Variants in ACADSB observed in about 807,000 individuals in gnomAD.
ACADSB encodes short/branched chain specific acyl-CoA dehydrogenase, mitochondrial.
ACADSB carries 40 observed loss-of-function variants against 54.1 expected under a neutral mutation model. The observed-to-expected ratio is 0.74, with a 90% CI of 0.57 to 0.96. The LOEUF is 0.96. ACADSB is among the 40% of genes least tolerant of loss of function. The pLI, the probability that ACADSB is intolerant of heterozygous loss-of-function variation, is 0.00. For missense variants in ACADSB, 530 were observed against 510.4 expected, an observed-to-expected ratio of 1.04 and a Z score of -0.37; for synonymous variants, 182 against 182.8, an observed-to-expected ratio of 1.00 and a Z score of 0.03.
At chr10:123,040,114 G>T (rs1169214180) in intron 3 of ACADSB, among the ~76,000 whole-genome samples, 1 of 151,694 alleles carries the variant, frequency 6.6e-6, no homozygotes, top group East Asian at 1.9e-4. Flanking sequence ...GAGAGGTTGA[G>T]GTGGGTGGAT....
At chr10:123,017,120 C>A (rs554522895) in intron 1 of ACADSB, among the ~76,000 whole-genome samples, 8 of 152,148 alleles carry the variant, frequency 5.3e-5, no homozygotes, top group Admixed American at 2.6e-4. Flanking sequence ...ATTCCCAATG[C>A]CTGTTAAGTT....
At chr10:123,049,766 G>A (rs577820046) in intron 8 of ACADSB, among the ~76,000 whole-genome samples, 27 of 152,314 alleles carry the variant, frequency 1.8e-4, no homozygotes, top group Non-Finnish European at 3.1e-4. Context: ...CAAAATAGAT[G>A]TCAGATGTAA....
chr10:123,017,678 C>T (rs769276457), intron 1 of ACADSB, among the ~76,000 whole-genome samples: 11 of 151,952 alleles, frequency 7.2e-5, no homozygotes, highest in Non-Finnish European at 1.3e-4. Context: ...CTTGAAGAGC[C>T]GGGCTTTCCT....
chr10:123,035,461 G>T (rs17104496), intron 2 of ACADSB, among the ~76,000 whole-genome samples: 19,362 of 152,192 alleles, frequency 0.13, 1,501 homozygotes, highest in South Asian at 0.23. Flanking sequence ...TCAGAATGTT[G>T]TTCTTAGAGA....
chr10:123,010,979 G>C (rs1404704009), intron 1 of ACADSB, among the ~76,000 whole-genome samples: 1 of 152,140 alleles, frequency 6.6e-6, no homozygotes, highest in Non-Finnish European at 1.5e-5. Context: ...GTTTAGGAGG[G>C]GAAAGGAGTG....
At chr10:123,049,313 T>C (rs147080213) in intron 8 of ACADSB, among the ~76,000 whole-genome samples, 1 of 152,356 alleles carries the variant, frequency 6.6e-6, no homozygotes, top group African/African-American at 2.4e-5. Context: ...ATTTCAATTG[T>C]TTATTCAGTA....
rs114454958 is a variant in ACADSB, at chr10:123,036,007, A to G, written c.202+1492A>G. 2.7e-3 allele frequency among the ~76,000 whole-genome samples: 413 copies of G among 152,356 alleles called. 1 individual carries two copies. The highest frequency in any genetic ancestry group is 9.4e-3 in the African/African-American group (393 of 41,590). ...GCAGCACTTAGATTCATGTTTGAATAACTGAGAGAGGACATGTATACACCA... is the reference window on the plus strand; with the variant it reads ...GCAGCACTTAGATTCATGTTTGAATGACTGAGAGAGGACATGTATACACCA... On this transcript the variant is annotated intron_variant, in intron 2 of 10. Coordinates refer to ENST00000358776, the MANE Select transcript of ACADSB (RefSeq NM_001609.4).
rs1898461 is a variant in ACADSB at position 123,051,473 on chromosome 10, C to G, written c.1128+287C>G. Among the ~76,000 whole-genome samples the G allele has an allele frequency of 0.98, 149,458 of 152,006 alleles. 73,533 individuals carry two copies. Among genetic ancestry groups the G allele is most frequent in the Middle Eastern group, 1 (294 of 294 alleles). On this transcript the variant is annotated intron_variant, in intron 9 of 10. Transcript: ENST00000358776. The stretch of plus-strand genomic sequence containing the variant: ...AAAACCTTCAGTTCTGTGAGGTCTC[C>G]ATGTTTCGTGAGTAGCCCAGCTCAG...
chr10:123,032,139 C>T (rs895297675), intron 1 of ACADSB, among the ~76,000 whole-genome samples: 23 of 151,992 alleles, frequency 1.5e-4, no homozygotes, highest in African/African-American at 5.3e-4. Flanking sequence ...GCCACCGCAC[C>T]TAGCTAATTT....
intron 8 of ACADSB, among the ~76,000 whole-genome samples, chr10:123,050,190 C>T (rs977432728): frequency 6.6e-6 from 1 of 152,192 alleles, no homozygotes; most frequent in South Asian, 2.1e-4. Context: ...TCCTGGGATT[C>T]GTGTGTGATT....
At position 123,050,236 on chromosome 10, in the gene ACADSB, C is replaced by T. The variant is rs141942178; in HGVS notation, c.991-813C>T. Among the ~76,000 whole-genome samples, 4 of 152,320 alleles carry T rather than the reference C, an allele frequency of 2.6e-5. No homozygotes were observed. The East Asian group carries it at 5.8e-4, about 22-fold the overall frequency. ...AGGTTCACTGTCTTAATATTCATCA[C>T]ACATTATTATAATTATTTAATTGTC... On this transcript the variant is annotated intron_variant, in intron 8 of 10. Transcript: ENST00000358776.
chr10:123,037,666 TA>T (rs1850417278), intron 2 of ACADSB, 80 bp from the exon 3 acceptor site: 8 of 965,552 alleles, frequency 8.3e-6, no homozygotes, highest in Non-Finnish European at 1.3e-5. Flanking sequence ...TTAACTTAGT[TA>T]AAATGTAAAA....
In ACADSB at chr10:123,043,084, T is replaced by A; in HGVS notation, c.720T>A (p.Asp240Glu). The change falls in exon 6 of 11, where the codon GAT becomes GAA. Residue 240 changes from aspartate (D) to glutamate (E), a missense_variant. By Grantham distance (45) the Asp-to-Glu change is conservative. Transcript: ENST00000358776. ...KGITSFLVDR[D>E]TPGLHIGKPE... is the part of the protein sequence containing the mutation. ...TTACCTCCTTCTTAGTAGATCGTGA[T>A]ACTCCGGGCCTTCATATAGGGAAAC... 6.2e-7 allele frequency: 1 copy of A among 1,613,990 alleles called. No individual in the cohort carries two copies. Among genetic ancestry groups the A allele is most frequent in the South Asian group, 1.1e-5 (1 of 91,086 alleles).
chr10:123,053,185 T>C, intron 10 of ACADSB, 25 bp downstream of exon 10: 3 of 1,531,128 alleles, frequency 2.0e-6, no homozygotes, highest in South Asian at 2.3e-5. Context: ...TTTTTTTACA[T>C]TTTATTTTGT....
At chr10:123,039,686 T>C (rs2133479756) in intron 3 of ACADSB, among the ~76,000 whole-genome samples, 1 of 152,332 alleles carries the variant, frequency 6.6e-6, no homozygotes, top group African/African-American at 2.4e-5. Flanking sequence ...CTTTGCCAAA[T>C]GAAACTATAG....
chr10:123,025,232 G>C (rs1185956395), intron 1 of ACADSB, among the ~76,000 whole-genome samples: 1 of 152,190 alleles, frequency 6.6e-6, no homozygotes, highest in Non-Finnish European at 1.5e-5. Context: ...CTAGCCACAA[G>C]GATCGCTTGA....
intron 1 of ACADSB, among the ~76,000 whole-genome samples, chr10:123,011,648 T>C (rs1850035157): frequency 6.6e-6 from 1 of 151,330 alleles, no homozygotes; most frequent in Non-Finnish European, 1.5e-5. Context: ...TGCCTCAGCC[T>C]CCCGAGTAAC....
Position 123,051,187 on chromosome 10 carries a change from G to GT in ACADSB, c.1128+2dup, listed in dbSNP as rs762666946. 2.3e-5 allele frequency: 18 copies of GT among 792,318 alleles called. No homozygotes were observed. The highest frequency in any genetic ancestry group is 1.7e-4 in the African/African-American group (5 of 30,258). 49.1% of individuals were successfully genotyped at this position (792,318 alleles called of 1,614,324 possible). A position where few individuals can be genotyped will look rare whatever the true frequency, so the allele number is the denominator to read the frequency against. ...AATGGCCAAATACTATGCATCAGAG[G>GT]TAAAAAAAAAAAAAAAAAAAAAAAA... On this transcript the variant is annotated splice_donor_variant, in intron 9 of 10. Coordinates refer to ENST00000358776, the MANE Select transcript of ACADSB (RefSeq NM_001609.4). LOFTEE classifies it high-confidence loss of function.
At chr10:123,041,435 T>G in intron 5 of ACADSB, 56 bp downstream of exon 5, 1 of 1,568,880 alleles carries the variant, frequency 6.4e-7, no homozygotes, top group East Asian at 2.2e-5. Flanking sequence ...TTCTCTTTCT[T>G]TATCTTTTCC....
Sources: gnomAD v4.1 joint callset for allele counts (sites outside exome capture counted in the v4.1 genomes callset) on GRCh38, gnomAD v4.1.1 for gene constraint, MANE v1.5 for transcripts, NCBI Gene and HGNC (gene_info 2026-07-23, HGNC 2026-07-21) for gene names.